ACLY: variants seen among roughly 807,000 people sequenced by gnomAD.
ACLY encodes the protein ATP-citrate synthase.
Under a neutral mutation model 133.0 loss-of-function variants are expected in ACLY, and 41 were observed. The ratio of observed to expected loss-of-function variants is 0.31; its 90% confidence interval spans 0.24 to 0.40. The LOEUF (loss-of-function observed/expected upper bound fraction) is 0.40. ACLY is among the 10% of genes least tolerant of loss of function. ACLY has a pLI of 1.00. For missense variants in ACLY, 1,046 were observed against 1,453.8 expected, an observed-to-expected ratio of 0.72 and a Z score of 4.56; for synonymous variants, 495 against 549.3, an observed-to-expected ratio of 0.90 and a Z score of 1.38.
upstream of ACLY, among the ~76,000 whole-genome samples, chr17:41,919,498 T>C (rs1378149220): frequency 6.6e-6 from 1 of 152,212 alleles, no homozygotes; most frequent in African/African-American, 2.4e-5. Context: ...CTCTCCTCCC[T>C]GGACTCTCCC....
chr17:41,930,137 G>A (rs1182027429), intron 1 of ACLY, among the ~76,000 whole-genome samples: 2 of 152,220 alleles, frequency 1.3e-5, no homozygotes, highest in African/African-American at 4.8e-5. Flanking sequence ...TGAACCCAAC[G>A]TTATTTTCCA....
chr17:41,911,835 C>A (rs1182667475), intron 3 of ACLY, among the ~76,000 whole-genome samples: 2 of 151,810 alleles, frequency 1.3e-5, no homozygotes, highest in African/African-American at 4.8e-5. Context: ...ATAAAGTAGG[C>A]CGGGCGCAGT....
intron 7 of ACLY, 107 bp from the exon 8 acceptor site, chr17:41,906,753 TA>T (rs2049731190): frequency 9.7e-7 from 1 of 1,028,226 alleles, no homozygotes; most frequent in African/African-American, 1.6e-5. Context: ...AAAGGTGCCT[TA>T]ATGGGGTGGG....
At chr17:41,912,130 A>T (rs979051652) in intron 3 of ACLY, among the ~76,000 whole-genome samples, 2 of 151,528 alleles carry the variant, frequency 1.3e-5, no homozygotes, top group Admixed American at 6.6e-5. Context: ...AAAAAAAAAG[A>T]ATCAGACCAT....
At chr17:41,885,774 A>G (rs1173746325) in intron 18 of ACLY, among the ~76,000 whole-genome samples, 14 of 152,070 alleles carry the variant, frequency 9.2e-5, no homozygotes, top group Non-Finnish European at 1.9e-4. Flanking sequence ...ACCCCCTACT[A>G]AAGAGGGAAA....
chr17:41,879,952 A>G (rs1157065406), intron 20 of ACLY, among the ~76,000 whole-genome samples: 1 of 151,610 alleles, frequency 6.6e-6, no homozygotes, highest in African/African-American at 2.4e-5. Context: ...CTGGTCTCCA[A>G]CTCCTGGACT....
chr17:41,925,320 G>C (rs1555635870), intron 1 of ACLY, among the ~76,000 whole-genome samples: 1 of 151,672 alleles, frequency 6.6e-6, no homozygotes, highest in African/African-American at 2.4e-5. Flanking sequence ...CTTCTGGCCA[G>C]GCATGATGGT....
At chr17:41,910,336 C>T (rs781783778) in intron 3 of ACLY, 52 bp from the exon 4 acceptor site, 2 of 1,545,148 alleles carry the variant, frequency 1.3e-6, no homozygotes, top group East Asian at 2.3e-5. Flanking sequence ...CGTCTTGCCC[C>T]TAGGGCAGAA....
intron 17 of ACLY, among the ~76,000 whole-genome samples, chr17:41,887,381 T>C (rs1280043053): frequency 3.9e-5 from 6 of 152,002 alleles, no homozygotes; most frequent in Admixed American, 3.9e-4. Context: ...GAGGTTGCAG[T>C]GAGCCAGGAT....
chr17:41,876,760 C>A (rs987803404), intron 22 of ACLY, among the ~76,000 whole-genome samples: 1 of 152,148 alleles, frequency 6.6e-6, no homozygotes, highest in African/African-American at 2.4e-5. Context: ...CAAGTACCCA[C>A]GGACACAAAC....
At chr17:41,919,188 C>T (rs1398342810), upstream of ACLY, among the ~76,000 whole-genome samples, 1 of 152,124 alleles carries the variant, frequency 6.6e-6, no homozygotes, top group Admixed American at 6.5e-5. Context: ...GCCTGCGGGG[C>T]CGGGGCGGGG....
At chr17:41,908,608 T>C (rs2013590) in intron 6 of ACLY, among the ~76,000 whole-genome samples, 104,163 of 151,966 alleles carry the variant, frequency 0.69, 37,243 homozygotes, top group South Asian at 0.83. Flanking sequence ...CTACTAAAAA[T>C]AAAAAATTAG....
chr17:41,927,904 C>T (rs558105734), intron 1 of ACLY, among the ~76,000 whole-genome samples: 30 of 151,538 alleles, frequency 2.0e-4, no homozygotes, highest in African/African-American at 6.3e-4. Flanking sequence ...TGAGAGGCCG[C>T]GGTGGGAGGA....
chr17:41,875,004 T>G lies in ACLY; in HGVS notation c.2488-1039A>C, dbSNP rs372133140. Among the ~76,000 whole-genome samples, 33 of 148,964 alleles carry G rather than the reference T, an allele frequency of 2.2e-4. 2 individuals are homozygous for G. Among genetic ancestry groups the G allele is most frequent in the South Asian group, 1.3e-3 (6 of 4,664 alleles). On this transcript the variant is annotated intron_variant, in intron 22 of 28. Coordinates refer to ENST00000352035, the MANE Select transcript of ACLY (RefSeq NM_001096.3). ...CCTGGGTAAGAAATGGTAAAATGAA[T>G]CCAAAGGGAAAATCTTACATACACT...
Position 41,867,879 on chromosome 17 carries a change from C to A in ACLY, c.3237G>T (p.Leu1079=), listed in dbSNP as rs1555624205. 6.2e-7 allele frequency: 1 copy of A among 1,611,242 alleles called. No homozygotes were observed. The highest frequency in any genetic ancestry group is 1.1e-5 in the South Asian group (1 of 90,664). ...FIGHYLDQKR[L]KQGLYRHPWD... ...ACGGATGACGATACAGCCCCTGCTT[C>A]AGCCTCTTCTGATCAAGATAGTGTC... The change falls in exon 29 of 29, where the codon CTG becomes CTT. Residue 1079 remains leucine, a synonymous_variant. Transcript: ENST00000352035.
At chr17:41,886,958 T>C (rs1555628257) in intron 17 of ACLY, among the ~76,000 whole-genome samples, 1 of 150,316 alleles carries the variant, frequency 6.7e-6, no homozygotes, top group Admixed American at 6.6e-5. Flanking sequence ...ACCCTGTCTC[T>C]ACTAAAAATA....
At position 41,892,239 on chromosome 17, in the gene ACLY, A is replaced by G; in HGVS notation, c.1770+40T>C. 2.4e-4 allele frequency: 86 copies of G among 357,284 alleles called. 1 individual carries two copies. Among genetic ancestry groups the G allele is most frequent in the Non-Finnish European group, 3.3e-4 (73 of 219,416 alleles). The allele number at this position is 357,284 out of a possible 1,614,324, so 22.1% of individuals were successfully genotyped here. On this transcript the variant is annotated intron_variant, in intron 16 of 28. Transcript: ENST00000352035. Reference sequence around the variant, plus strand: ...CCAGTGATCTACCTGCGCATAGTTCATGGTCCCCACCCCCCACCCTCCAGA... The same window carrying G: ...CCAGTGATCTACCTGCGCATAGTTCGTGGTCCCCACCCCCCACCCTCCAGA...
At position 41,918,861 on chromosome 17, in the gene ACLY, AAC is replaced by A. The variant is rs1567918533; in HGVS notation, c.-24+17_-24+18del. ...GGGCGAGCGGGCTCCAGCCAGCGAA[AAC>A]AGCCTCCCGTGCTCACCTCTGCCGA... On this transcript the variant is annotated intron_variant, in intron 1 of 28. Coordinates refer to ENST00000352035, the MANE Select transcript of ACLY (RefSeq NM_001096.3). 7.8e-7 allele frequency: 1 copy of A among 1,287,116 alleles called. No homozygotes were observed. Among genetic ancestry groups the A allele is most frequent in the Non-Finnish European group, 1.0e-6 (1 of 987,898 alleles). 79.7% of individuals were successfully genotyped at this position (1,287,116 alleles called of 1,614,324 possible). A position where few individuals can be genotyped will look rare whatever the true frequency, so the allele number is the denominator to read the frequency against.
chr17:41,929,337 C>T (rs1361201156), intron 1 of ACLY, among the ~76,000 whole-genome samples: 3 of 152,128 alleles, frequency 2.0e-5, no homozygotes, highest in Non-Finnish European at 4.4e-5. Context: ...TCAAGCGATC[C>T]TCCCACCTCA....
Sources: allele counts gnomAD v4.1 joint callset (sites outside exome capture counted in the v4.1 genomes callset), GRCh38; gene constraint gnomAD v4.1.1; transcripts MANE v1.5; gene names NCBI Gene and HGNC (gene_info 2026-07-23, HGNC 2026-07-21).